Variants in KHDRBS2 observed in about 807,000 individuals in gnomAD.
KHDRBS2 encodes the protein KH domain-containing, RNA-binding, signal transduction-associated protein 2.
KHDRBS2 carries 26 observed loss-of-function variants against 44.3 expected under a neutral mutation model. The observed-to-expected ratio is 0.59, with a 90% CI of 0.43 to 0.81. The LOEUF is 0.81. Among genes scored for constraint, KHDRBS2 ranks in the 40% least tolerant of loss-of-function variants. The probability of loss-of-function intolerance (pLI) is 0.00; values close to 1 mark genes in which losing one functional copy is unlikely to be tolerated. For synonymous variants in KHDRBS2, 194 were observed against 151.1 expected (o/e 1.28, Z -2.08); for missense variants, 476 against 433.1 (o/e 1.10, Z -0.88).
At chr6:62,060,753 A>C (rs1791627437) in intron 2 of KHDRBS2, among the ~76,000 whole-genome samples, 1 of 151,750 alleles carries the variant, frequency 6.6e-6, no homozygotes, top group Non-Finnish European at 1.5e-5. Flanking sequence ...GCTCTATTGA[A>C]GAAAACACTT....
chr6:61,912,514 T>C (rs1806233711), intron 4 of KHDRBS2, among the ~76,000 whole-genome samples: 1 of 152,180 alleles, frequency 6.6e-6, no homozygotes, highest in Non-Finnish European at 1.5e-5. Context: ...CAAATGTGTC[T>C]TGTGTTCAAG....
chr6:62,087,825 A>C (rs1435607852), intron 2 of KHDRBS2, among the ~76,000 whole-genome samples: 1 of 152,212 alleles, frequency 6.6e-6, no homozygotes, highest in Non-Finnish European at 1.5e-5. Context: ...ACCTTCAGGT[A>C]CACCAATCAA....
At chr6:61,852,549 C>T (rs1426259047) in intron 6 of KHDRBS2, among the ~76,000 whole-genome samples, 7 of 146,948 alleles carry the variant, frequency 4.8e-5, no homozygotes, top group Non-Finnish European at 1.5e-5. Flanking sequence ...GGTGACAGAG[C>T]GAGACTCCGT....
intron 4 of KHDRBS2, among the ~76,000 whole-genome samples, chr6:61,924,660 A>G (rs1476528984): frequency 6.6e-6 from 1 of 151,856 alleles, no homozygotes; most frequent in Non-Finnish European, 1.5e-5. Flanking sequence ...ATTTATTTAT[A>G]TAATCTGCAA....
intron 6 of KHDRBS2, among the ~76,000 whole-genome samples, chr6:61,766,110 CT>C (rs35703613): frequency 1.3e-5 from 2 of 150,098 alleles, no homozygotes; most frequent in East Asian, 2.0e-4. Context: ...CGTGTTCAGG[CT>C]TTTTTTTTGC....
the KHDRBS2 span, among the ~76,000 whole-genome samples, chr6:61,631,860 T>C: frequency 1.3e-5 from 2 of 152,260 alleles, no homozygotes; most frequent in South Asian, 4.1e-4. Context: ...TCCTTAGGAA[T>C]GGTCATTTCA....
the KHDRBS2 span, among the ~76,000 whole-genome samples, chr6:61,615,135 AG>A: frequency 6.8e-6 from 1 of 146,314 alleles, no homozygotes; most frequent in East Asian, 2.2e-4. Flanking sequence ...CGGGAGGCTG[AG>A]GCAGGAGAAT....
rs551943862 is a variant in KHDRBS2, at chr6:61,738,603, T to A, written c.811-5839A>T. Among the ~76,000 whole-genome samples the A allele has an allele frequency of 3.9e-5, 6 of 152,104 alleles. No homozygotes were observed. In the South Asian group the frequency reaches 1.2e-3, roughly 31 times the overall value. Reference sequence around the variant, plus strand: ...AAGGCAATTTCTTTGTAGCTTGCTATGAATTATAGACCACTTCACGCATTT... The same window carrying A: ...AAGGCAATTTCTTTGTAGCTTGCTAAGAATTATAGACCACTTCACGCATTT... On this transcript the variant is annotated intron_variant, in intron 6 of 8. Coordinates refer to ENST00000281156, the MANE Select transcript of KHDRBS2 (RefSeq NM_152688.4).
the KHDRBS2 span, among the ~76,000 whole-genome samples, chr6:61,610,105 G>A: frequency 1.3e-5 from 2 of 152,060 alleles, no homozygotes; most frequent in Admixed American, 1.3e-4. Flanking sequence ...GAACCTAGGA[G>A]GTGGAGCTTG....
the KHDRBS2 span, among the ~76,000 whole-genome samples, chr6:61,557,483 G>A: frequency 6.6e-6 from 1 of 152,114 alleles, no homozygotes; most frequent in African/African-American, 2.4e-5. Flanking sequence ...GGACACTTCT[G>A]GAAGCTTTCA....
chr6:61,955,262 A>G (rs1356526573), intron 4 of KHDRBS2, among the ~76,000 whole-genome samples: 1 of 146,182 alleles, frequency 6.8e-6, no homozygotes, highest in Non-Finnish European at 1.5e-5. Flanking sequence ...ATATATGTAT[A>G]CATATACGTG....
intron 4 of KHDRBS2, among the ~76,000 whole-genome samples, chr6:61,929,608 A>G (rs1809636905): frequency 6.6e-6 from 1 of 152,190 alleles, no homozygotes; most frequent in African/African-American, 2.4e-5. Context: ...TTTGAAACAT[A>G]TCACAAAGAG....
intron 7 of KHDRBS2, among the ~76,000 whole-genome samples, chr6:61,712,367 C>T (rs1770650741): frequency 6.6e-6 from 1 of 151,796 alleles, no homozygotes; most frequent in African/African-American, 2.4e-5. Context: ...TTAAGCAAGG[C>T]TGACATGTGG....
At chr6:61,854,395 C>A (rs1795873847) in intron 6 of KHDRBS2, among the ~76,000 whole-genome samples, 1 of 152,058 alleles carries the variant, frequency 6.6e-6, no homozygotes, top group South Asian at 2.1e-4. Flanking sequence ...TGTATATATA[C>A]TCAGCTTAAA....
chr6:62,248,663 TA>T (rs1836023442), intron 1 of KHDRBS2, among the ~76,000 whole-genome samples: 1 of 152,090 alleles, frequency 6.6e-6, no homozygotes, highest in Admixed American at 6.6e-5. Flanking sequence ...TTATTGAAGA[TA>T]TTAGTGTCTT....
At chr6:61,683,513 A>C (rs1445264500) in intron 8 of KHDRBS2, among the ~76,000 whole-genome samples, 1 of 151,876 alleles carries the variant, frequency 6.6e-6, no homozygotes, top group Non-Finnish European at 1.5e-5. Flanking sequence ...GAACAAGGGA[A>C]CTATGCAGAA....
At chr6:61,917,869 G>T (rs962484467) in intron 4 of KHDRBS2, among the ~76,000 whole-genome samples, 1 of 151,758 alleles carries the variant, frequency 6.6e-6, no homozygotes, top group South Asian at 2.1e-4. Context: ...ATGAAATATC[G>T]ACCATTTCAT....
chr6:61,611,186 G>A, the KHDRBS2 span, among the ~76,000 whole-genome samples: 3 of 152,168 alleles, frequency 2.0e-5, no homozygotes, highest in Non-Finnish European at 4.4e-5. Context: ...ATTGGGACAG[G>A]ACATTTGTTA....
At chr6:61,803,546 A>G (rs1055112555) in intron 6 of KHDRBS2, among the ~76,000 whole-genome samples, 19 of 152,190 alleles carry the variant, frequency 1.2e-4, no homozygotes, top group African/African-American at 4.3e-4. Flanking sequence ...TTTAATCTTC[A>G]AAATAATACT....
Sources: allele counts gnomAD v4.1 joint callset (sites outside exome capture counted in the v4.1 genomes callset), GRCh38; gene constraint gnomAD v4.1.1; transcripts MANE v1.5; gene names NCBI Gene and HGNC (gene_info 2026-07-23, HGNC 2026-07-21).